Variants in TTC28 observed in about 807,000 individuals in gnomAD.
TTC28 encodes the protein tetratricopeptide repeat protein 28.
Under a neutral mutation model 198.0 loss-of-function variants are expected in TTC28, and 61 were observed. The ratio of observed to expected loss-of-function variants is 0.31; its 90% CI spans 0.25 to 0.38. The LOEUF is 0.38. TTC28 is among the 10% of genes least tolerant of loss of function. The pLI is 1.00. For synonymous variants in TTC28, 1,171 were observed against 1,297.8 expected (o/e 0.90, Z 2.10); for missense variants, 2,678 against 3,164.0 (o/e 0.85, Z 3.69).
intron 7 of TTC28, 109 bp from the exon 8 acceptor site, chr22:28,105,911 C>T (rs1942284677): frequency 1.6e-6 from 2 of 1,245,104 alleles, no homozygotes; most frequent in South Asian, 3.2e-5. Flanking sequence ...ACTATAGAAG[C>T]TCTTAACTCC....
rs1930928340 is a variant in TTC28, at chr22:28,256,474, T to TAA, written c.933+39722_933+39723dup. 6.1e-5 allele frequency among the ~76,000 whole-genome samples: 9 copies of TAA among 146,428 alleles called. No individual in the cohort carries two copies. The South Asian group carries it at 1.9e-3, about 31-fold the overall frequency. ...CTTGAACATATGTACAGGCTGATGG[T>TAA]AAAGAGAAAGAGATTAATGTAAGAG... On this transcript the variant is annotated intron_variant, in intron 5 of 22. Transcript: ENST00000397906.
intron 2 of TTC28, among the ~76,000 whole-genome samples, chr22:28,535,163 A>T (rs1345071293): frequency 6.6e-6 from 1 of 152,168 alleles, no homozygotes; most frequent in African/African-American, 2.4e-5. Flanking sequence ...GAATTTGGGA[A>T]TTATTATGAC....
chr22:28,627,268 C>G (rs1243226812), intron 2 of TTC28, among the ~76,000 whole-genome samples: 1 of 152,038 alleles, frequency 6.6e-6, no homozygotes, highest in Non-Finnish European at 1.5e-5. Context: ...CAACAATCTT[C>G]CAAGATAGGT....
At chr22:28,028,998 C>A in intron 13 of TTC28, 1 of 471,150 alleles carries the variant, frequency 2.1e-6, no homozygotes, top group Non-Finnish European at 4.4e-6. Context: ...TAGTTTATCA[C>A]CACAGCCTGC....
chr22:28,338,369 G>A (rs2045768183), intron 2 of TTC28, among the ~76,000 whole-genome samples: 2 of 152,088 alleles, frequency 1.3e-5, no homozygotes, highest in Admixed American at 6.6e-5. Flanking sequence ...TGTATTTCCT[G>A]AATTTGAATA....
chr22:27,997,653 C>A (rs536943898), intron 16 of TTC28: 1 of 152,370 alleles, frequency 6.6e-6, no homozygotes, highest in East Asian at 1.9e-4. Flanking sequence ...ATGGGTGGGA[C>A]TTTTGCTTTG....
At chr22:28,607,122 AT>A (rs1365536314) in intron 2 of TTC28, among the ~76,000 whole-genome samples, 1 of 152,180 alleles carries the variant, frequency 6.6e-6, no homozygotes, top group Non-Finnish European at 1.5e-5. Flanking sequence ...TCCCCAGTTT[AT>A]TACCTCTAGC....
At chr22:28,544,950 G>A (rs2049504804) in intron 2 of TTC28, among the ~76,000 whole-genome samples, 1 of 152,194 alleles carries the variant, frequency 6.6e-6, no homozygotes, top group African/African-American at 2.4e-5. Context: ...ACAACTATAA[G>A]TATACTCAAT....
intron 5 of TTC28, among the ~76,000 whole-genome samples, chr22:28,203,937 A>C (rs1263575340): frequency 6.6e-6 from 1 of 152,190 alleles, no homozygotes; most frequent in Non-Finnish European, 1.5e-5. Flanking sequence ...ACGAAAACAC[A>C]AAAAAGCAAA....
intron 2 of TTC28, among the ~76,000 whole-genome samples, chr22:28,398,117 G>A (rs866437570): frequency 2.2e-4 from 34 of 152,318 alleles, no homozygotes; most frequent in Non-Finnish European, 3.7e-4. Context: ...AACCTGGTCA[G>A]GCTAGAACAC....
At chr22:28,373,994 T>C (rs2046374605) in intron 2 of TTC28, among the ~76,000 whole-genome samples, 1 of 152,226 alleles carries the variant, frequency 6.6e-6, no homozygotes, top group Non-Finnish European at 1.5e-5. Context: ...CTTACTGCTT[T>C]GATCAGATTT....
intron 2 of TTC28, among the ~76,000 whole-genome samples, chr22:28,330,168 AAAT>A (rs1466468101): frequency 1.3e-5 from 2 of 152,214 alleles, no homozygotes; most frequent in Non-Finnish European, 2.9e-5. Context: ...GAAACTTAAT[AAAT>A]AATTTTGATT....
chr22:28,386,586 G>C (rs1482982216), intron 2 of TTC28, among the ~76,000 whole-genome samples: 1 of 152,080 alleles, frequency 6.6e-6, no homozygotes, highest in Non-Finnish European at 1.5e-5. Context: ...ATGGGTATAG[G>C]GTCAGACACA....
intron 2 of TTC28, among the ~76,000 whole-genome samples, chr22:28,373,315 C>T (rs1238004840): frequency 6.6e-6 from 1 of 151,098 alleles, no homozygotes; most frequent in Admixed American, 6.6e-5. Context: ...CTTTATGAGG[C>T]CCTTCATATG....
chr22:28,065,306 G>C (rs1006063059), intron 12 of TTC28, among the ~76,000 whole-genome samples: 1 of 152,188 alleles, frequency 6.6e-6, no homozygotes, highest in African/African-American at 2.4e-5. Flanking sequence ...GAAAGTATGG[G>C]TTACTCTGCC....
intron 2 of TTC28, among the ~76,000 whole-genome samples, chr22:28,324,121 TC>T (rs2045488670): frequency 6.6e-6 from 1 of 152,138 alleles, no homozygotes; most frequent in East Asian, 1.9e-4. Context: ...CTAAGGGAGT[TC>T]TTCAATCTGA....
intron 1 of TTC28, among the ~76,000 whole-genome samples, chr22:28,655,967 T>C (rs1449780070): frequency 6.6e-6 from 1 of 152,210 alleles, no homozygotes; most frequent in Non-Finnish European, 1.5e-5. Context: ...CAGGATTCAG[T>C]TAGAAGACAG....
rs55726442 is a variant in TTC28, at chr22:28,153,395, TAAAAAAA to T, written c.1441+9690_1441+9696del. On this transcript the variant is annotated intron_variant, in intron 6 of 22. Transcript: ENST00000397906. ...TTGGGTATCCAGAAACTCAAAGAAT[TAAAAAAA>T]AAAAAAAAAAAAAAAACCTTCGTTT... Among the ~76,000 whole-genome samples the T allele has an allele frequency of 4.4e-4, 43 of 97,146 alleles. 1 individual carries two copies. Among genetic ancestry groups the T allele is most frequent in the Middle Eastern group, 7.7e-3 (1 of 130 alleles). The allele number at this position is 97,146 out of a possible 152,430, so 63.7% of individuals were successfully genotyped here. A position where few individuals can be genotyped will look rare whatever the true frequency, so the allele number is the denominator to read the frequency against.
intron 1 of TTC28, among the ~76,000 whole-genome samples, chr22:28,639,608 A>G (rs1429544309): frequency 2.0e-5 from 3 of 152,186 alleles, no homozygotes; most frequent in Non-Finnish European, 4.4e-5. Context: ...AAGTCTCACA[A>G]GATCTGACGG....
Sources: gnomAD v4.1 joint callset for allele counts (sites outside exome capture counted in the v4.1 genomes callset) on GRCh38, gnomAD v4.1.1 for gene constraint, MANE v1.5 for transcripts, NCBI Gene and HGNC (gene_info 2026-07-23, HGNC 2026-07-21) for gene names.